Variants in UBA6 observed in about 807,000 individuals in gnomAD.
UBA6 encodes ubiquitin like modifier activating enzyme 6.
UBA6 carries 87 observed loss-of-function variants against 148.3 expected under a neutral mutation model. The ratio of observed to expected loss-of-function variants is 0.59; its 90% CI spans 0.49 to 0.70. The LOEUF (loss-of-function observed/expected upper bound fraction) is 0.70, where lower values mean the gene tolerates loss of function less well. Among genes scored for constraint, UBA6 ranks in the 30% least tolerant of loss-of-function variants. The pLI is 0.00. For missense variants in UBA6, 1,186 were observed against 1,241.2 expected, an observed-to-expected ratio of 0.96 and a Z score of 0.67; for synonymous variants, 376 against 401.0, an observed-to-expected ratio of 0.94 and a Z score of 0.75.
rs138283557 is a variant in UBA6 at position 67,696,679 on chromosome 4, T to A, written c.100A>T (p.Thr34Ser). The A allele has an allele frequency of 8.7e-6, 14 of 1,607,974 alleles. No homozygotes were observed. Among genetic ancestry groups the A allele is most frequent in the Non-Finnish European group, 1.1e-5 (13 of 1,177,056 alleles). ...STNKNLPIMS[T>S]ASVEIDDALY... ...GCATCATCGATTTCCACAGATGCTG[T>A]TGACATAATGGGCAAATTTTTATTT... The change falls in exon 2 of 33, where the codon ACA becomes TCA. Residue 34 changes from threonine (T) to serine (S), a missense_variant. Coordinates refer to ENST00000322244, the MANE Select transcript of UBA6 (RefSeq NM_018227.6).
chr4:67,662,937 T>A (rs925072294), intron 12 of UBA6: 1 of 413,986 alleles, frequency 2.4e-6, no homozygotes, highest in Admixed American at 4.1e-5. Flanking sequence ...AAAATTCACA[T>A]TTAGTATGAT....
chr4:67,646,010 A>G lies in UBA6; in HGVS notation c.1323T>C (p.Asp441=), dbSNP rs1729414231. The G allele has an allele frequency of 1.9e-6, 3 of 1,562,358 alleles. No homozygotes were observed. The highest frequency in any genetic ancestry group is 1.8e-5 in the Admixed American group (1 of 54,110). ...PECEEFLPRG[D]RYDALRACIG... ...TGCAAGCTCTTAAGGCATCATATCT[A>G]TCTCCTCTGAAAAAAATAACATATA... The change falls in exon 16 of 33, where the codon GAT becomes GAC. Residue 441 remains aspartate, a synonymous_variant. Coordinates refer to ENST00000322244, the MANE Select transcript of UBA6 (RefSeq NM_018227.6).
rs1728584666 is a variant in UBA6 at position 67,614,151 on chromosome 4, A to C, written c.*4846T>G. 6.6e-6 allele frequency: 1 copy of C among 152,192 alleles called. No homozygotes were observed. Among genetic ancestry groups the C allele is most frequent in the African/African-American group, 2.4e-5 (1 of 41,432 alleles). The allele number at this position is 152,192 out of a possible 1,614,324, so 9.4% of individuals were successfully genotyped here. ...TAACCTGAATATTTCCTTCCTATTG[A>C]TCCCAGGTCTTCAGATAAACTCGAC... On this transcript the variant is annotated 3_prime_UTR_variant, in exon 33 of 33. Transcript: ENST00000322244.
chr4:67,618,908 G>A lies in UBA6; in HGVS notation c.*89C>T. ...AGGCTTAATGAAAGAGAAATCCATA[G>A]TATTATGAACTGATTTTCTTTAGCT... On this transcript the variant is annotated 3_prime_UTR_variant, in exon 33 of 33. Transcript: ENST00000322244. 4 of 1,278,192 alleles carry A rather than the reference G, an allele frequency of 3.1e-6. No individual in the cohort carries two copies. Among genetic ancestry groups the A allele is most frequent in the Non-Finnish European group, 4.3e-6 (4 of 920,338 alleles). 79.2% of individuals were successfully genotyped at this position (1,278,192 alleles called of 1,614,324 possible). A position where few individuals can be genotyped will look rare whatever the true frequency, so the allele number is the denominator to read the frequency against.
chr4:67,700,721 G>T (rs1001954768), intron 1 of UBA6, among the ~76,000 whole-genome samples: 1 of 152,120 alleles, frequency 6.6e-6, no homozygotes, highest in Non-Finnish European at 1.5e-5. Flanking sequence ...GGAAGCTCAC[G>T]CCAAGTGACC....
intron 4 of UBA6, among the ~76,000 whole-genome samples, chr4:67,679,018 C>T (rs1730357975): frequency 6.6e-6 from 1 of 151,906 alleles, no homozygotes; most frequent in Admixed American, 6.6e-5. Flanking sequence ...AAATGCCCAC[C>T]AATGGGGAAC....
At chr4:67,631,615 G>T in intron 25 of UBA6, 93 bp downstream of exon 25, 1 of 941,674 alleles carries the variant, frequency 1.1e-6, no homozygotes, top group Non-Finnish European at 1.6e-6. Context: ...ACATTAAAGA[G>T]CCTAAGGTTT....
In UBA6 at chr4:67,673,712, C is replaced by G. The variant is rs1280150949; in HGVS notation, c.531G>C (p.Gln177His). Reference sequence around the variant, plus strand: ...ATACAATTACCTTAATTGGAGGGCACTGAGAACGGCAAAAGTCATTGATCT... The same window carrying G: ...ATACAATTACCTTAATTGGAGGGCAGTGAGAACGGCAAAAGTCATTGATCT... ...QKKINDFCRSQCPPIKFISAD... is the reference protein window; with the variant it reads ...QKKINDFCRSHCPPIKFISAD... The change falls in exon 7 of 33, where the codon CAG (glutamine) becomes CAC (histidine). Residue 177 changes from glutamine to histidine, a missense_variant. By Grantham distance (24) the Gln-to-His change is conservative. Coordinates refer to ENST00000322244, the MANE Select transcript of UBA6 (RefSeq NM_018227.6). 17 of 1,610,572 alleles carry G rather than the reference C, an allele frequency of 1.1e-5. No individual in the cohort carries two copies. Among genetic ancestry groups the G allele is most frequent in the Middle Eastern group, 1.7e-4 (1 of 6,038 alleles).
At chr4:67,639,148 G>C in intron 18 of UBA6, 24 bp from the exon 19 acceptor site, 1 of 1,571,834 alleles carries the variant, frequency 6.4e-7, no homozygotes, top group Admixed American at 1.8e-5. Context: ...ATAAGCAGAA[G>C]GAATATGTTA....
chr4:67,648,200 G>A (rs1351150788), intron 14 of UBA6, among the ~76,000 whole-genome samples: 2 of 151,710 alleles, frequency 1.3e-5, no homozygotes, highest in East Asian at 3.9e-4. Context: ...CGGGCGCAGT[G>A]GCTCACGCCT....
chr4:67,625,427 CT>C, intron 28 of UBA6, among the ~76,000 whole-genome samples: 1 of 149,514 alleles, frequency 6.7e-6, no homozygotes, highest in African/African-American at 2.5e-5. Context: ...TTTAATGCCA[CT>C]AAACTAGAGA....
chr4:67,688,422 G>T (rs952959859), intron 2 of UBA6, among the ~76,000 whole-genome samples: 1 of 151,916 alleles, frequency 6.6e-6, no homozygotes, highest in African/African-American at 2.4e-5. Flanking sequence ...TAACAATAAA[G>T]ACCAAAAATA....
At position 67,673,786 on chromosome 4, in the gene UBA6, A is replaced by AC; in HGVS notation, c.466-10_466-9insG. 1 of 1,578,026 alleles carries AC rather than the reference A, an allele frequency of 6.3e-7. No individual in the cohort carries two copies. The highest frequency in any genetic ancestry group is 8.6e-7 in the Non-Finnish European group (1 of 1,156,800). On this transcript the variant is annotated splice_polypyrimidine_tract_variant and intron_variant, in intron 6 of 32. Transcript: ENST00000322244. ...TCAGTCAATACTACACACTGTTGAG[A>AC]AAACAACAAATTAAAAACTAGAAAA... is the stretch of plus-strand genomic sequence containing the variant.
intron 13 of UBA6, among the ~76,000 whole-genome samples, chr4:67,659,174 G>C (rs1326776089): frequency 6.6e-6 from 1 of 152,114 alleles, no homozygotes; most frequent in Non-Finnish European, 1.5e-5. Context: ...ATTATGGCTA[G>C]TGAGTCACTG....
chr4:67,670,430 T>A (rs1730116043), intron 8 of UBA6, 40 bp downstream of exon 8: 2 of 1,524,542 alleles, frequency 1.3e-6, no homozygotes, highest in Admixed American at 1.8e-5. Context: ...ACATCAACTT[T>A]AACAAAATTT....
chr4:67,676,109 C>T (rs1206401208), intron 6 of UBA6, among the ~76,000 whole-genome samples: 7 of 150,312 alleles, frequency 4.7e-5, no homozygotes, highest in East Asian at 2.0e-4. Context: ...CTGCAACTTC[C>T]GCCTCCCGGG....
chr4:67,671,633 A>G (rs1433406941), intron 7 of UBA6, among the ~76,000 whole-genome samples: 1 of 152,172 alleles, frequency 6.6e-6, no homozygotes, highest in East Asian at 1.9e-4. Flanking sequence ...TAAATTGTAA[A>G]CCACAACACG....
At chr4:67,658,342 T>C (rs1729754722) in intron 13 of UBA6, among the ~76,000 whole-genome samples, 1 of 152,230 alleles carries the variant, frequency 6.6e-6, no homozygotes, top group South Asian at 2.1e-4. Flanking sequence ...TCAAAATCTA[T>C]ATGCAAGTAT....
At chr4:67,675,314 G>C (rs1730253079) in intron 6 of UBA6, among the ~76,000 whole-genome samples, 1 of 152,012 alleles carries the variant, frequency 6.6e-6, no homozygotes, top group Non-Finnish European at 1.5e-5. Flanking sequence ...TATCACATCT[G>C]CCTGGTCTTT....
Sources: allele counts gnomAD v4.1 joint callset (sites outside exome capture counted in the v4.1 genomes callset), GRCh38; gene constraint gnomAD v4.1.1; transcripts MANE v1.5; gene names NCBI Gene and HGNC (gene_info 2026-07-23, HGNC 2026-07-21).